LMNA: variants seen among roughly 807,000 people sequenced by gnomAD.
The protein encoded by LMNA is lamin A/C.
A neutral mutation model predicts 70.4 loss-of-function variants in LMNA; 20 were observed. The ratio of observed to expected loss-of-function variants is 0.28; its 90% confidence interval spans 0.20 to 0.41. LMNA has a LOEUF of 0.41. Ranked by LOEUF, LMNA falls within the 10% of genes least tolerant of loss-of-function variation. The pLI is 1.00. For missense variants in LMNA, 652 were observed against 917.2 expected, an observed-to-expected ratio of 0.71 and a Z score of 3.73; for synonymous variants, 339 against 372.8, an observed-to-expected ratio of 0.91 and a Z score of 1.04.
At position 156,136,524 on chromosome 1, in the gene LMNA, TC is replaced by T. The variant is rs1162437701; in HGVS notation, c.1380+90del. On this transcript the variant is annotated intron_variant, in intron 7 of 11. Transcript: ENST00000368300. This position sits in a 1 kb window ranked among gnomAD's most constrained non-coding sequence, Gnocchi z 6.1. ...AGGATGGCATGTGGAGAGAGGAACA[TC>T]CTTGCCCTCAGAGGGTGGACCAGGG... The T allele has an allele frequency of 3.7e-5, 50 of 1,346,810 alleles. No homozygotes were observed. The Middle Eastern group carries it at 7.5e-4, about 20-fold the overall frequency. 83.4% of individuals were successfully genotyped at this position (1,346,810 alleles called of 1,614,324 possible).
At chr1:156,101,333 A>G (rs912372289) in intron 3 of LMNA, among the ~76,000 whole-genome samples, 2 of 152,174 alleles carry the variant, frequency 1.3e-5, no homozygotes, top group African/African-American at 4.8e-5. Context: ...CTACAAATAA[A>G]AATAAAAATA....
chr1:156,084,947 G>T (rs559551363), intron 2 of LMNA, among the ~76,000 whole-genome samples: 3 of 152,346 alleles, frequency 2.0e-5, no homozygotes, highest in African/African-American at 7.2e-5. Context: ...CAGTGGGGAG[G>T]GTCCAGCTGC....
At chr1:156,110,057 G>T (rs1234515845), upstream of LMNA, among the ~76,000 whole-genome samples, 1 of 151,838 alleles carries the variant, frequency 6.6e-6, no homozygotes, top group African/African-American at 2.4e-5. Flanking sequence ...TGGCCAGGTT[G>T]GTCTTGAACT....
intron 3 of LMNA, among the ~76,000 whole-genome samples, chr1:156,104,021 C>A (rs927926065): frequency 6.6e-6 from 1 of 152,220 alleles, no homozygotes; most frequent in African/African-American, 2.4e-5. Flanking sequence ...CCTTCACAGC[C>A]CCCACTGAAG....
intron 3 of LMNA, among the ~76,000 whole-genome samples, chr1:156,097,894 C>G (rs1177840029): frequency 6.6e-6 from 1 of 152,228 alleles, no homozygotes; most frequent in Admixed American, 6.5e-5. Flanking sequence ...GGTAGCTCCC[C>G]CACCGTTTTC....
In LMNA at chr1:156,137,555, G is replaced by A. The variant is rs749140760; in HGVS notation, c.1609-99G>A. 1.1e-5 allele frequency: 12 copies of A among 1,113,742 alleles called. No individual in the cohort carries two copies. Among genetic ancestry groups the A allele is most frequent in the South Asian group, 2.7e-5 (2 of 75,114 alleles). The allele number at this position is 1,113,742 out of a possible 1,614,324, so 69.0% of individuals were successfully genotyped here. A position where few individuals can be genotyped will look rare whatever the true frequency, so the allele number is the denominator to read the frequency against. On this transcript the variant is annotated intron_variant, in intron 9 of 11. Coordinates refer to ENST00000368300, the MANE Select transcript of LMNA (RefSeq NM_170707.4). This position sits in a 1 kb window ranked among gnomAD's most constrained non-coding sequence, Gnocchi z 4.6. ...GAGTAAGCAGCAGGCCGGACAAAGG[G>A]CAGGCCACAAGAAAAGTTGCAGGTG...
intron 2 of LMNA, among the ~76,000 whole-genome samples, chr1:156,132,869 T>G (rs964082147): frequency 4.7e-5 from 7 of 149,660 alleles, no homozygotes; most frequent in Non-Finnish European, 5.9e-5. Context: ...AGATGGAGTC[T>G]TACTCTGTCA....
At position 156,138,815 on chromosome 1, in the gene LMNA, G is replaced by T. The variant is rs1210586103; in HGVS notation, c.1968+58G>T. ...CAGGCGGGTCCCTGGTCATCGAGGG[G>T]TAGGACGAGGTGGCCTTGCAGGGGG... On this transcript the variant is annotated intron_variant, in intron 11 of 11. Coordinates refer to ENST00000368300, the MANE Select transcript of LMNA (RefSeq NM_170707.4). The surrounding 1 kb of genome is among the most constrained non-coding windows in gnomAD (Gnocchi z 5.5). 1.2e-6 allele frequency: 2 copies of T among 1,606,098 alleles called. No individual in the cohort carries two copies. The highest frequency in any genetic ancestry group is 1.7e-6 in the Non-Finnish European group (2 of 1,174,766).
intron 1 of LMNA, among the ~76,000 whole-genome samples, chr1:156,127,336 C>T (rs1450289465): frequency 6.6e-6 from 1 of 152,114 alleles, no homozygotes; most frequent in Non-Finnish European, 1.5e-5. Flanking sequence ...ATAGTGGCTT[C>T]TTCCCCGCAG....
At chr1:156,109,056 G>C (rs758367425) in intron 3 of LMNA, among the ~76,000 whole-genome samples, 19 of 152,102 alleles carry the variant, frequency 1.2e-4, no homozygotes, top group Non-Finnish European at 2.2e-4. Flanking sequence ...ACCTTTCTGG[G>C]CTTCAGTTTC....
In LMNA at chr1:156,134,305, G is replaced by A; in HGVS notation, c.514-98G>A. On this transcript the variant is annotated intron_variant, in intron 2 of 11. Transcript: ENST00000368300. The surrounding 1 kb of genome is among the most constrained non-coding windows in gnomAD (Gnocchi z 5.3). Reference sequence around the variant, plus strand: ...TCCTTCCCTGGACCTGTTTCCACATGTGTGAAGGGGTGCACAGGCAGCAGC... The same window carrying A: ...TCCTTCCCTGGACCTGTTTCCACATATGTGAAGGGGTGCACAGGCAGCAGC... 1 of 1,370,230 alleles carries A rather than the reference G, an allele frequency of 7.3e-7. No homozygotes were observed. Among genetic ancestry groups the A allele is most frequent in the Non-Finnish European group, 1.0e-6 (1 of 983,404 alleles). 84.9% of individuals were successfully genotyped at this position (1,370,230 alleles called of 1,614,324 possible).
chr1:156,108,801 G>T (rs966584610), intron 3 of LMNA, among the ~76,000 whole-genome samples: 3 of 152,042 alleles, frequency 2.0e-5, no homozygotes, highest in South Asian at 4.1e-4. Context: ...CTAACCATAT[G>T]ACCTTAGACA....
intron 3 of LMNA, among the ~76,000 whole-genome samples, chr1:156,105,138 G>A (rs1220945969): frequency 6.6e-6 from 1 of 152,212 alleles, no homozygotes; most frequent in Non-Finnish European, 1.5e-5. Context: ...TGGGCTCTTG[G>A]CATGCTGTGC....
chr1:156,138,840 G>GGAGA lies in LMNA; in HGVS notation c.1968+85_1968+88dup. 1 of 1,555,084 alleles carries GGAGA rather than the reference G, an allele frequency of 6.4e-7. No homozygotes were observed. Among genetic ancestry groups the GGAGA allele is most frequent in the Non-Finnish European group, 8.8e-7 (1 of 1,131,978 alleles). On this transcript the variant is annotated intron_variant, in intron 11 of 11. Coordinates refer to ENST00000368300, the MANE Select transcript of LMNA (RefSeq NM_170707.4). The surrounding 1 kb of genome is among the most constrained non-coding windows in gnomAD (Gnocchi z 5.5). ...GTAGGACGAGGTGGCCTTGCAGGGG[G>GGAGA]GAGAGCCTGCCTTCTCTTCCGCAGC...
upstream of LMNA, among the ~76,000 whole-genome samples, chr1:156,112,749 A>C (rs527630293): frequency 6.6e-6 from 1 of 152,194 alleles, no homozygotes; most frequent in Non-Finnish European, 1.5e-5. Flanking sequence ...CTCCCCTAAT[A>C]ACCAAAGTTC....
chr1:156,116,283 T>C (rs956012823), intron 1 of LMNA, among the ~76,000 whole-genome samples: 1 of 152,192 alleles, frequency 6.6e-6, no homozygotes. Flanking sequence ...AGTGACATTT[T>C]TGAAATCCAG....
At chr1:156,096,312 T>C (rs1250591601) in intron 3 of LMNA, among the ~76,000 whole-genome samples, 1 of 152,236 alleles carries the variant, frequency 6.6e-6, no homozygotes, top group African/African-American at 2.4e-5. Context: ...GTATTACCTG[T>C]GAGCCCTATG....
upstream of LMNA, chr1:156,114,621 A>G (rs550270778): frequency 4.8e-4 from 108 of 225,100 alleles, 2 homozygotes; most frequent in African/African-American, 2.6e-3. Context: ...CCCACCCCCA[A>G]TGGATCTGGG....
chr1:156,138,701 G>T lies in LMNA; in HGVS notation c.1912G>T (p.Gly638Trp), dbSNP rs144851946. 2 of 1,613,232 alleles carry T rather than the reference G, an allele frequency of 1.2e-6. No individual in the cohort carries two copies. The highest frequency in any genetic ancestry group is 1.7e-6 in the Non-Finnish European group (2 of 1,179,912). ...SVGGSGGGSF[G>W]DNLVTRSYLL... Reference sequence around the variant, plus strand: ...GGGGGGCAGTGGGGGTGGCAGCTTCGGGGACAATCTGGTCACCCGCTCCTA... The same window carrying T: ...GGGGGGCAGTGGGGGTGGCAGCTTCTGGGACAATCTGGTCACCCGCTCCTA... The change falls in exon 11 of 12, where the codon GGG (glycine) becomes TGG (tryptophan). Residue 638 changes from glycine (G) to tryptophan (W), a missense_variant. Gly to Trp is a radical substitution (Grantham distance 184). This residue lies in a region of LMNA where 327 missense variants were observed against 387.6 expected (regional missense o/e 0.84). Coordinates refer to ENST00000368300, the MANE Select transcript of LMNA (RefSeq NM_170707.4). This position sits in a 1 kb window ranked among gnomAD's most constrained non-coding sequence, Gnocchi z 5.5.
Sources: gnomAD v4.1 joint callset for allele counts (sites outside exome capture counted in the v4.1 genomes callset) on GRCh38, gnomAD v4.1.1 for gene constraint, gnomAD v4.1.1 regional missense constraint, Gnocchi (gnomAD v3.1) non-coding constraint, MANE v1.5 for transcripts, NCBI Gene and HGNC (gene_info 2026-07-23, HGNC 2026-07-21) for gene names.